DNAH9: variants seen among roughly 807,000 people sequenced by gnomAD.
The protein encoded by DNAH9 is dynein axonemal heavy chain 9.
In DNAH9, 345 loss-of-function variants were observed where a neutral mutation model predicts 471.6. The observed-to-expected ratio is 0.73, with a 90% CI of 0.67 to 0.80. The LOEUF (loss-of-function observed/expected upper bound fraction) is 0.80. Among genes scored for constraint, DNAH9 ranks in the 30% least tolerant of loss-of-function variants. The probability of loss-of-function intolerance (pLI) is 0.00; values close to 1 mark genes in which losing one functional copy is unlikely to be tolerated. For synonymous variants in DNAH9, 2,093 were observed against 2,123.6 expected, an observed-to-expected ratio of 0.99 and a Z score of 0.40; for missense variants, 5,407 against 5,609.2, an observed-to-expected ratio of 0.96 and a Z score of 1.15.
chr17:11,713,434 G>A (rs113462196), intron 26 of DNAH9, among the ~76,000 whole-genome samples: 97 of 151,996 alleles, frequency 6.4e-4, no homozygotes, highest in South Asian at 1.9e-3. Flanking sequence ...GGGATGGCTG[G>A]GTCAAATGGT....
chr17:11,961,164 A>G (rs1373504900), intron 67 of DNAH9, among the ~76,000 whole-genome samples: 1 of 151,874 alleles, frequency 6.6e-6, no homozygotes, highest in Non-Finnish European at 1.5e-5. Flanking sequence ...AAAATACAAA[A>G]ATTAGCCGGG....
intron 43 of DNAH9, among the ~76,000 whole-genome samples, chr17:11,800,197 C>G (rs1969402056): frequency 6.6e-6 from 1 of 152,080 alleles, no homozygotes; most frequent in Non-Finnish European, 1.5e-5. Context: ...GTCATCAAAT[C>G]TAACAGCCTA....
intron 35 of DNAH9, among the ~76,000 whole-genome samples, chr17:11,762,759 T>TTTTTTTTG (rs1555584577): frequency 1.4e-5 from 1 of 72,244 alleles, no homozygotes; most frequent in Non-Finnish European, 3.1e-5. Flanking sequence ...TTTAGGTGCG[T>TTTTTTTTG]TTTTTTTTTT....
intron 19 of DNAH9, among the ~76,000 whole-genome samples, chr17:11,685,260 C>A (rs1408736134): frequency 1.3e-5 from 2 of 151,954 alleles, no homozygotes; most frequent in African/African-American, 4.8e-5. Flanking sequence ...GGAAAAAAAA[C>A]AGTTACAAAA....
intron 60 of DNAH9, 108 bp downstream of exon 60, chr17:11,903,020 T>C: frequency 8.0e-7 from 1 of 1,245,206 alleles, no homozygotes; most frequent in South Asian, 1.6e-5. Context: ...TATAGTAGTT[T>C]CCTGGAGCTA....
At chr17:11,965,975 A>T (rs1360711043) in intron 68 of DNAH9, among the ~76,000 whole-genome samples, 1 of 152,214 alleles carries the variant, frequency 6.6e-6, no homozygotes, top group Non-Finnish European at 1.5e-5. Flanking sequence ...GACACCATCA[A>T]GCATAACAAC....
At chr17:11,631,944 G>A (rs2073076205) in intron 7 of DNAH9, among the ~76,000 whole-genome samples, 1 of 151,348 alleles carries the variant, frequency 6.6e-6, no homozygotes, top group Non-Finnish European at 1.5e-5. Flanking sequence ...AAATACATTA[G>A]GGTTGCCAGA....
At chr17:11,767,445 G>T (rs1968000389) in intron 36 of DNAH9, among the ~76,000 whole-genome samples, 1 of 152,126 alleles carries the variant, frequency 6.6e-6, no homozygotes, top group African/African-American at 2.4e-5. Context: ...TAAAGCAAAA[G>T]AATTCAATCC....
At chr17:11,756,443 A>G in intron 33 of DNAH9, 125 bp from the exon 34 acceptor site, 1 of 680,588 alleles carries the variant, frequency 1.5e-6, no homozygotes, top group Non-Finnish European at 2.6e-6. Context: ...GGACACAGCC[A>G]AACCATATAA....
In DNAH9 at chr17:11,689,945, G is replaced by C. The variant is rs1295652685; in HGVS notation, c.4123G>C (p.Glu1375Gln). 1 of 1,612,368 alleles carries C rather than the reference G, an allele frequency of 6.2e-7. No homozygotes were observed. The highest frequency in any genetic ancestry group is 1.3e-5 in the African/African-American group (1 of 74,908). The change falls in exon 20 of 69, where the codon GAG becomes CAG. Residue 1375 changes from glutamate to glutamine, a missense_variant. Around this residue, in one of 3 missense-constraint regions of DNAH9, gnomAD observed 4,636 missense variants for 4,900.3 expected, o/e 0.95. Transcript: ENST00000262442. ...NTLSSLRAVAELQNPAIRERH... is the reference protein window; with the variant it reads ...NTLSSLRAVAQLQNPAIRERH... The stretch of plus-strand genomic sequence containing the variant: ...GCTGAGCTCCCTGAGGGCAGTAGCT[G>C]AGCTGCAGAATCCAGCCATCCGGGA...
intron 15 of DNAH9, among the ~76,000 whole-genome samples, chr17:11,666,302 A>G (rs923592264): frequency 1.3e-5 from 2 of 152,146 alleles, no homozygotes; most frequent in Non-Finnish European, 2.9e-5. Flanking sequence ...CAGGCAGTGC[A>G]CTAGAAGTGG....
chr17:11,816,031 A>T (rs1251237690), intron 45 of DNAH9, among the ~76,000 whole-genome samples: 1 of 152,092 alleles, frequency 6.6e-6, no homozygotes, highest in Non-Finnish European at 1.5e-5. Flanking sequence ...TGTCTGGATT[A>T]ACTTCTACCC....
At chr17:11,699,907 CCTT>C (rs772652765) in intron 23 of DNAH9, 24 bp downstream of exon 23, 12 of 1,612,168 alleles carry the variant, frequency 7.4e-6, no homozygotes, top group Admixed American at 3.3e-5. Flanking sequence ...CCTTTCCCCT[CCTT>C]CTGCTTTTCT....
At chr17:11,780,748 A>G (rs1400584206) in intron 38 of DNAH9, among the ~76,000 whole-genome samples, 1 of 152,230 alleles carries the variant, frequency 6.6e-6, no homozygotes, top group Non-Finnish European at 1.5e-5. Flanking sequence ...AAATGAGGTA[A>G]TTAAGATGTC....
intron 17 of DNAH9, among the ~76,000 whole-genome samples, chr17:11,673,871 C>A: frequency 6.6e-6 from 1 of 152,154 alleles, no homozygotes; most frequent in East Asian, 1.9e-4. Flanking sequence ...TGGATATATA[C>A]ACATGTGTAT....
chr17:11,629,902 G>A (rs1211947155), intron 7 of DNAH9, among the ~76,000 whole-genome samples: 1 of 152,108 alleles, frequency 6.6e-6, no homozygotes, highest in Non-Finnish European at 1.5e-5. Context: ...CCACCCTGTG[G>A]CTTCAAACGT....
At chr17:11,698,182 T>TATTAATAATATACTAATTATA (rs369729599) in intron 22 of DNAH9, among the ~76,000 whole-genome samples, 1 of 120,350 alleles carries the variant, frequency 8.3e-6, no homozygotes, top group Non-Finnish European at 1.6e-5. Flanking sequence ...TAATATATTA[T>TATTAATAATATACTAATTATA]TATATTAATA....
chr17:11,884,773 T>C (rs987226782), intron 56 of DNAH9, among the ~76,000 whole-genome samples: 7 of 152,086 alleles, frequency 4.6e-5, no homozygotes, highest in Non-Finnish European at 1.0e-4. Context: ...GTATCTCTGG[T>C]TGGGGGCATG....
intron 36 of DNAH9, among the ~76,000 whole-genome samples, chr17:11,766,577 A>G (rs1240502492): frequency 6.6e-6 from 1 of 152,194 alleles, no homozygotes; most frequent in Non-Finnish European, 1.5e-5. Flanking sequence ...TCCAGGTTAA[A>G]GGGCAGAGAG....
Sources: gnomAD v4.1 joint callset for allele counts (sites outside exome capture counted in the v4.1 genomes callset) on GRCh38, gnomAD v4.1.1 for gene constraint, gnomAD v4.1.1 regional missense constraint, MANE v1.5 for transcripts, NCBI Gene and HGNC (gene_info 2026-07-23, HGNC 2026-07-21) for gene names.